Variants in GTF2IRD1 observed in about 807,000 individuals in gnomAD.
GTF2IRD1 encodes the protein GTF2I repeat domain containing 1.
A neutral mutation model predicts 113.2 loss-of-function variants in GTF2IRD1; 26 were observed. The observed-to-expected ratio is 0.23, with a 90% CI of 0.17 to 0.32. The LOEUF is 0.32. Ranked by LOEUF, GTF2IRD1 falls within the 10% of genes least tolerant of loss-of-function variation. GTF2IRD1 has a pLI of 1.00. For synonymous variants in GTF2IRD1, 484 were observed against 529.1 expected (o/e 0.91, Z 1.17); for missense variants, 864 against 1,280.8 (o/e 0.67, Z 4.97).
intron 1 of GTF2IRD1, among the ~76,000 whole-genome samples, chr7:74,465,403 G>A (rs1445524786): frequency 6.6e-6 from 1 of 152,160 alleles, no homozygotes; most frequent in East Asian, 1.9e-4. Flanking sequence ...AACCATCAGG[G>A]TCTTTGAAGC....
rs148609556 is a variant in GTF2IRD1, at chr7:74,602,403, C to T, written c.2805C>T (p.Asn935=). The change falls in exon 27 of 27, where the codon AAC becomes AAT. Residue 935 remains asparagine (N), a synonymous_variant. Transcript: ENST00000424337. ...ACATGGTGGACTATGCCGGCCTGAACGTGCAGCTCCCGGGACCTCTTAATT... is the reference window on the plus strand; with the variant it reads ...ACATGGTGGACTATGCCGGCCTGAATGTGCAGCTCCCGGGACCTCTTAATT... The part of the protein sequence containing the change: ...PMYMVDYAGL[N]VQLPGPLNY 5.7e-5 allele frequency: 92 copies of T among 1,613,658 alleles called. No homozygotes were observed. Among genetic ancestry groups the T allele is most frequent in the Non-Finnish European group, 7.4e-5 (87 of 1,179,682 alleles).
chr7:74,561,935 A>C (rs781931132), intron 22 of GTF2IRD1, among the ~76,000 whole-genome samples: 2 of 151,918 alleles, frequency 1.3e-5, no homozygotes, highest in Non-Finnish European at 2.9e-5. Context: ...TCCCAGGGCT[A>C]GCAGGTGGTC....
At chr7:74,542,950 G>A (rs1798712490) in intron 14 of GTF2IRD1, among the ~76,000 whole-genome samples, 1 of 152,190 alleles carries the variant, frequency 6.6e-6, no homozygotes, top group Admixed American at 6.6e-5. Context: ...ACAGCCTTGG[G>A]CTGGAAAACA....
intron 22 of GTF2IRD1, chr7:74,572,645 C>T: frequency 1.6e-6 from 1 of 623,904 alleles, no homozygotes; most frequent in Non-Finnish European, 2.0e-6. Flanking sequence ...GGCACACACC[C>T]TCTGGCCCCT....
chr7:74,551,719 C>G (rs1325998163), intron 17 of GTF2IRD1, among the ~76,000 whole-genome samples: 1 of 151,974 alleles, frequency 6.6e-6, no homozygotes, highest in Admixed American at 6.6e-5. Flanking sequence ...AGGCAGATCA[C>G]GAGGTCAAGA....
chr7:74,515,271 G>C, intron 3 of GTF2IRD1, 170 bp from the exon 4 acceptor site: 1 of 1,379,992 alleles, frequency 7.2e-7, no homozygotes. Flanking sequence ...CCTCAGTGGG[G>C]TGGTTGGAAT....
intron 25 of GTF2IRD1, 144 bp from the exon 26 acceptor site, chr7:74,600,900 C>A: frequency 1.2e-6 from 1 of 815,682 alleles, no homozygotes; most frequent in Non-Finnish European, 2.0e-6. Flanking sequence ...GACAGGTGGG[C>A]CCTGACCCCC....
intron 22 of GTF2IRD1, among the ~76,000 whole-genome samples, chr7:74,576,917 G>A (rs1294132467): frequency 7.3e-5 from 11 of 151,700 alleles, no homozygotes; most frequent in Admixed American, 2.6e-4. Context: ...CACTGAGCAC[G>A]GCCCCCTGTT....
intron 22 of GTF2IRD1, among the ~76,000 whole-genome samples, chr7:74,577,016 G>A (rs769634368): frequency 2.6e-5 from 4 of 152,002 alleles, no homozygotes; most frequent in Middle Eastern, 3.4e-3. Flanking sequence ...CCAAGTGCCC[G>A]TGATGGGTTG....
chr7:74,542,563 C>T (rs1196118450), intron 14 of GTF2IRD1, among the ~76,000 whole-genome samples: 7 of 152,148 alleles, frequency 4.6e-5, no homozygotes, highest in South Asian at 2.1e-4. Context: ...AAATGATTTG[C>T]GTTTTTTATT....
intron 15 of GTF2IRD1, among the ~76,000 whole-genome samples, chr7:74,545,457 C>T (rs1314152677): frequency 2.6e-5 from 4 of 152,172 alleles, no homozygotes; most frequent in Non-Finnish European, 4.4e-5. Flanking sequence ...CACTCAGTCA[C>T]ATACCTAGAA....
chr7:74,498,593 T>C (rs1584527462), intron 1 of GTF2IRD1, among the ~76,000 whole-genome samples: 1 of 152,110 alleles, frequency 6.6e-6, no homozygotes, highest in African/African-American at 2.4e-5. Flanking sequence ...GGAAGCCTTA[T>C]TTGTCAGGCC....
At chr7:74,601,402 C>T in intron 26 of GTF2IRD1, 2 of 1,493,098 alleles carry the variant, frequency 1.3e-6, no homozygotes, top group East Asian at 4.9e-5. Flanking sequence ...GGCAGGAATT[C>T]ACATCCTCGC....
chr7:74,580,486 C>T (rs1390881264), intron 22 of GTF2IRD1, among the ~76,000 whole-genome samples: 1 of 152,100 alleles, frequency 6.6e-6, no homozygotes, highest in Non-Finnish European at 1.5e-5. Context: ...CGAGAGAGAG[C>T]CGTGGAGCCA....
At chr7:74,539,807 TG>T in intron 13 of GTF2IRD1, 71 bp from the exon 14 acceptor site, 2 of 1,021,358 alleles carry the variant, frequency 2.0e-6, no homozygotes, top group Non-Finnish European at 3.1e-6. Context: ...CTGGGCTGGG[TG>T]GGCCCTGAGG....
Position 74,525,426 on chromosome 7 carries a change from C to T in GTF2IRD1, c.1090+1272C>T, listed in dbSNP as rs941774029. On this transcript the variant is annotated intron_variant, in intron 8 of 26. Transcript: ENST00000424337. ...CTAGCACCCAGGACAGAGTCAGGCT[C>T]ATAGCAGATGTCAGCCCACCGCACT... 5.3e-5 allele frequency among the ~76,000 whole-genome samples: 8 copies of T among 152,220 alleles called. No individual in the cohort carries two copies. In the East Asian group the frequency reaches 5.8e-4, roughly 11 times the overall value.
chr7:74,540,948 G>A (rs1363471131), intron 14 of GTF2IRD1, among the ~76,000 whole-genome samples: 13 of 151,840 alleles, frequency 8.6e-5, no homozygotes, highest in African/African-American at 3.1e-4. Context: ...ATTTTTAGTA[G>A]AGACGGGGTT....
chr7:74,579,177 C>G (rs1554365376), intron 22 of GTF2IRD1, among the ~76,000 whole-genome samples: 1 of 152,048 alleles, frequency 6.6e-6, no homozygotes, highest in Non-Finnish European at 1.5e-5. Flanking sequence ...TAAAATTAGC[C>G]AGACGTGGTG....
rs1797853906 is a variant in GTF2IRD1 at position 74,529,808 on chromosome 7, A to G, written c.1165A>G (p.Ile389Val). Residue 389 changes from isoleucine (I) to valine (V), a missense_variant, in exon 9 of 27, where the codon ATC (isoleucine) becomes GTC (valine). By Grantham distance (29) the Ile-to-Val change is conservative. Transcript: ENST00000424337. ...KIACDPEAVE[I>V]VGIPDKIPFK... ...TGCCTGTGACCCGGAGGCTGTGGAG[A>G]TCGTGGGCATCCCGGACAAGATCCC... 3 of 1,613,840 alleles carry G rather than the reference A, an allele frequency of 1.9e-6. No homozygotes were observed. Among genetic ancestry groups the G allele is most frequent in the African/African-American group, 2.7e-5 (2 of 74,886 alleles).
Sources: allele counts gnomAD v4.1 joint callset (sites outside exome capture counted in the v4.1 genomes callset), GRCh38; gene constraint gnomAD v4.1.1; transcripts MANE v1.5; gene names NCBI Gene and HGNC (gene_info 2026-07-23, HGNC 2026-07-21).